UBAC2: variants seen among roughly 807,000 people sequenced by gnomAD.
The protein encoded by UBAC2 is UBA domain containing 2.
In UBAC2, 26 loss-of-function variants were observed where a neutral mutation model predicts 44.0. The observed-to-expected ratio is 0.59, with a 90% confidence interval of 0.43 to 0.82. The LOEUF (loss-of-function observed/expected upper bound fraction) is 0.82, where lower values mean the gene tolerates loss of function less well. Ranked by LOEUF, UBAC2 falls within the 40% of genes least tolerant of loss-of-function variation. The probability of loss-of-function intolerance (pLI) is 0.00; values close to 1 mark genes in which losing one functional copy is unlikely to be tolerated. For synonymous variants in UBAC2, 155 were observed against 154.3 expected (o/e 1.00, Z -0.04); for missense variants, 329 against 419.4 (o/e 0.78, Z 1.88).
At chr13:99,337,770 C>A in intron 6 of UBAC2, among the ~76,000 whole-genome samples, 1 of 152,156 alleles carries the variant, frequency 6.6e-6, no homozygotes, top group East Asian at 1.9e-4. Context: ...ATGCCCTACA[C>A]AGCTTTTCCC....
intron 4 of UBAC2, among the ~76,000 whole-genome samples, chr13:99,273,829 G>A (rs1307019088): frequency 1.4e-5 from 2 of 148,116 alleles, no homozygotes; most frequent in Non-Finnish European, 3.0e-5. Context: ...CTATTACCTA[G>A]ATGTTCAGTC....
At chr13:99,238,035 A>G (rs1388876517) in intron 1 of UBAC2, among the ~76,000 whole-genome samples, 2 of 152,272 alleles carry the variant, frequency 1.3e-5, no homozygotes, top group Non-Finnish European at 2.9e-5. Context: ...AAAAAATGAA[A>G]TTAAAAATGT....
At chr13:99,242,771 GGAGA>G (rs2043330358) in intron 2 of UBAC2, among the ~76,000 whole-genome samples, 1 of 143,742 alleles carries the variant, frequency 7.0e-6, no homozygotes, top group African/African-American at 2.6e-5. Context: ...GCTGCCGGGC[GGAGA>G]CGCTCCTCAC....
At chr13:99,263,915 T>G in intron 4 of UBAC2, among the ~76,000 whole-genome samples, 1 of 152,204 alleles carries the variant, frequency 6.6e-6, no homozygotes, top group Non-Finnish European at 1.5e-5. Context: ...ATTCCATTTG[T>G]ATAAATTTCA....
chr13:99,327,271 A>G (rs181510379), intron 6 of UBAC2, among the ~76,000 whole-genome samples: 24 of 152,358 alleles, frequency 1.6e-4, no homozygotes, highest in African/African-American at 5.8e-4. Context: ...GAATAAAGGA[A>G]AAAGAAGTAG....
intron 4 of UBAC2, among the ~76,000 whole-genome samples, chr13:99,296,415 C>T (rs1018851335): frequency 6.6e-6 from 1 of 152,130 alleles, no homozygotes; most frequent in Non-Finnish European, 1.5e-5. Flanking sequence ...TGGCAAAGCT[C>T]TGGCAAAGGA....
At chr13:99,254,986 C>G (rs61736137) in intron 4 of UBAC2, 2 of 1,614,072 alleles carry the variant, frequency 1.2e-6, no homozygotes, top group Middle Eastern at 1.6e-4. Context: ...ACTAATGACT[C>G]GAGCCTGAAA....
At chr13:99,314,296 TG>T in intron 5 of UBAC2, 76 bp downstream of exon 5, 1 of 1,462,616 alleles carries the variant, frequency 6.8e-7, no homozygotes, top group Non-Finnish European at 9.1e-7. Flanking sequence ...TTTTCTCATT[TG>T]ATCTCCTTGA....
intron 1 of UBAC2, among the ~76,000 whole-genome samples, chr13:99,237,537 ACT>A (rs1233895417): frequency 1.3e-5 from 2 of 152,318 alleles, no homozygotes; most frequent in African/African-American, 4.8e-5. Flanking sequence ...ACAAATATAC[ACT>A]TAGAAGAAAT....
At chr13:99,285,919 A>C (rs2044013644) in intron 4 of UBAC2, among the ~76,000 whole-genome samples, 1 of 152,096 alleles carries the variant, frequency 6.6e-6, no homozygotes, top group Non-Finnish European at 1.5e-5. Context: ...GCCAGAGTTC[A>C]CAGTTCAACT....
At chr13:99,212,405 T>C (rs1473428216) in intron 1 of UBAC2, among the ~76,000 whole-genome samples, 1 of 152,242 alleles carries the variant, frequency 6.6e-6, no homozygotes, top group African/African-American at 2.4e-5. Context: ...TAAGGCTTTC[T>C]AAGTTACATT....
chr13:99,310,490 ATGT>A lies in UBAC2; in HGVS notation c.390-3603_390-3601del, dbSNP rs564067090. 1.4e-4 allele frequency among the ~76,000 whole-genome samples: 21 copies of A among 152,358 alleles called. No homozygotes were observed. The East Asian group carries it at 4.1e-3, about 29-fold the overall frequency. On this transcript the variant is annotated intron_variant, in intron 4 of 8. Transcript: ENST00000403766. ...TTACTGTTGACAGTATAGAGAACAG[ATGT>A]TGTCATAAAATAAGGAAAAGAAAAA...
At chr13:99,203,647 C>T (rs2042833251) in intron 1 of UBAC2, among the ~76,000 whole-genome samples, 1 of 152,176 alleles carries the variant, frequency 6.6e-6, no homozygotes, top group African/African-American at 2.4e-5. Context: ...TCAAGGAGAC[C>T]AGCATCAAAC....
intron 1 of UBAC2, among the ~76,000 whole-genome samples, chr13:99,210,811 C>T (rs951079486): frequency 2.0e-5 from 3 of 152,024 alleles, no homozygotes; most frequent in East Asian, 3.9e-4. Flanking sequence ...GGGGTTTCAC[C>T]GTGTTGGCCA....
intron 8 of UBAC2, among the ~76,000 whole-genome samples, chr13:99,381,929 G>T (rs1265690142): frequency 6.6e-6 from 1 of 152,174 alleles, no homozygotes; most frequent in Non-Finnish European, 1.5e-5. Context: ...GACAGCTGTG[G>T]TCTAGGACAC....
At chr13:99,356,118 T>C (rs2045177631) in intron 7 of UBAC2, 1 of 527,344 alleles carries the variant, frequency 1.9e-6, no homozygotes, top group Non-Finnish European at 3.9e-6. Flanking sequence ...TTGGGACACA[T>C]GTCTGTCAGA....
intron 6 of UBAC2, among the ~76,000 whole-genome samples, chr13:99,338,391 T>C (rs1181540521): frequency 6.6e-6 from 1 of 152,166 alleles, no homozygotes; most frequent in Admixed American, 6.5e-5. Context: ...TGAATTTGTG[T>C]TGGACCACAT....
At chr13:99,261,495 GT>G (rs1179688395) in intron 4 of UBAC2, among the ~76,000 whole-genome samples, 1 of 152,146 alleles carries the variant, frequency 6.6e-6, no homozygotes, top group Non-Finnish European at 1.5e-5. Context: ...AACCCAGTTA[GT>G]ATACCTCCTT....
intron 4 of UBAC2, among the ~76,000 whole-genome samples, chr13:99,301,420 TTTACTGTTATCC>T (rs2044255060): frequency 6.6e-6 from 1 of 152,234 alleles, no homozygotes; most frequent in Non-Finnish European, 1.5e-5. Flanking sequence ...TCCTTTTAAC[TTTACTGTTATCC>T]TAACATGTGT....
Sources: gnomAD v4.1 joint callset for allele counts (sites outside exome capture counted in the v4.1 genomes callset) on GRCh38, gnomAD v4.1.1 for gene constraint, MANE v1.5 for transcripts, NCBI Gene and HGNC (gene_info 2026-07-23, HGNC 2026-07-21) for gene names.